The following PCSK5 variants were observed in gnomAD, a reference collection of about 807,000 sequenced individuals.
PCSK5 encodes the protein proprotein convertase subtilisin/kexin type 5, also known as prohormone convertase 5.
A neutral mutation model predicts 233.2 loss-of-function variants in PCSK5; 129 were observed. The observed-to-expected ratio is 0.55, with a 90% CI of 0.48 to 0.64. PCSK5 has a LOEUF of 0.64. Ranked by LOEUF, PCSK5 falls within the 30% of genes least tolerant of loss-of-function variation. The probability of loss-of-function intolerance (pLI) is 0.00; values close to 1 mark genes in which losing one functional copy is unlikely to be tolerated. For missense variants in PCSK5, 2,076 were observed against 2,430.1 expected, an observed-to-expected ratio of 0.85 and a Z score of 3.06; for synonymous variants, 825 against 879.2, an observed-to-expected ratio of 0.94 and a Z score of 1.09.
At chr9:76,091,953 A>C (rs1396277271) in intron 7 of PCSK5, among the ~76,000 whole-genome samples, 1 of 152,158 alleles carries the variant, frequency 6.6e-6, no homozygotes, top group East Asian at 1.9e-4. Context: ...GGGCAGCAGC[A>C]ACCTACTGTC....
Position 75,891,045 on chromosome 9 carries a change from C to T in PCSK5, c.-137C>T. On this transcript the variant is annotated 5_prime_UTR_variant, in exon 1 of 38. Transcript: ENST00000674117. ...GCTCCCTGCCGGGGCTAGCCGCCTC[C>T]TGCCGATCGCCCGGGGCTGCGAGCT... The T allele has an allele frequency of 1.6e-6, 1 of 606,906 alleles. No individual in the cohort carries two copies. The highest frequency in any genetic ancestry group is 2.5e-6 in the Non-Finnish European group (1 of 405,800). 37.6% of individuals were successfully genotyped at this position (606,906 alleles called of 1,614,324 possible).
At chr9:76,057,961 T>C (rs927125817) in intron 5 of PCSK5, among the ~76,000 whole-genome samples, 1 of 151,436 alleles carries the variant, frequency 6.6e-6, no homozygotes. Flanking sequence ...CTCAGCCTTC[T>C]GAGTAAGCGG....
intron 20 of PCSK5, among the ~76,000 whole-genome samples, 189 bp from the exon 21 acceptor site, chr9:76,227,314 C>G (rs532866157): frequency 6.6e-6 from 1 of 152,146 alleles, no homozygotes; most frequent in South Asian, 2.1e-4. Context: ...CTGGAGCCCC[C>G]GGGAGAGGAG....
intron 34 of PCSK5, among the ~76,000 whole-genome samples, chr9:76,337,980 G>A (rs1401880595): frequency 6.6e-6 from 1 of 152,126 alleles, no homozygotes; most frequent in Non-Finnish European, 1.5e-5. Flanking sequence ...ATAAGCACTA[G>A]GTCTTTTCAT....
At chr9:75,996,990 C>T (rs1298202874) in intron 3 of PCSK5, among the ~76,000 whole-genome samples, 1 of 152,128 alleles carries the variant, frequency 6.6e-6, no homozygotes, top group African/African-American at 2.4e-5. Flanking sequence ...CCTCATTGCT[C>T]ATTTACTTTT....
chr9:76,102,951 G>T (rs1831825268), intron 8 of PCSK5, among the ~76,000 whole-genome samples: 1 of 152,184 alleles, frequency 6.6e-6, no homozygotes, highest in Non-Finnish European at 1.5e-5. Flanking sequence ...TGTAACATGA[G>T]ATTCTTCTTT....
rs370032376 is a variant in PCSK5 at position 76,192,455 on chromosome 9, C to T, written c.2626+2709C>T. The stretch of plus-strand genomic sequence containing the variant: ...ATATATTTTTTACATTTTATCATCT[C>T]GGAAATCAGATGCATCTTATAATTT... On this transcript the variant is annotated intron_variant, in intron 20 of 37. Transcript: ENST00000674117. 5.3e-5 allele frequency among the ~76,000 whole-genome samples: 8 copies of T among 152,254 alleles called. No homozygotes were observed. In the East Asian group the frequency reaches 5.8e-4, roughly 11 times the overall value.
chr9:75,917,250 A>G (rs1823046344), intron 1 of PCSK5, among the ~76,000 whole-genome samples: 1 of 152,184 alleles, frequency 6.6e-6, no homozygotes, highest in African/African-American at 2.4e-5. Flanking sequence ...TAAGACAGTA[A>G]GACAAAGACA....
intron 6 of PCSK5, among the ~76,000 whole-genome samples, chr9:76,069,930 T>C (rs981021028): frequency 8.6e-5 from 13 of 152,008 alleles, no homozygotes; most frequent in African/African-American, 3.1e-4. Context: ...CAGGATGCAG[T>C]ACATCGAGAT....
intron 23 of PCSK5, among the ~76,000 whole-genome samples, chr9:76,239,673 G>C (rs1378536653): frequency 1.4e-5 from 2 of 146,638 alleles, no homozygotes; most frequent in Non-Finnish European, 3.0e-5. Context: ...TCCAGCCTGG[G>C]AGACAGAGCA....
intron 3 of PCSK5, among the ~76,000 whole-genome samples, chr9:75,996,819 T>G (rs1424719576): frequency 3.3e-5 from 5 of 151,628 alleles, no homozygotes; most frequent in African/African-American, 1.2e-4. Flanking sequence ...AACAAAGTTT[T>G]TTTTTTTTTT....
intron 27 of PCSK5, among the ~76,000 whole-genome samples, chr9:76,297,797 G>A (rs1828488481): frequency 6.6e-6 from 1 of 152,136 alleles, no homozygotes; most frequent in Admixed American, 6.6e-5. Context: ...AGTGTGCTAA[G>A]GGCTCGAGGG....
At chr9:76,259,423 C>T (rs1827091851) in intron 24 of PCSK5, among the ~76,000 whole-genome samples, 1 of 150,576 alleles carries the variant, frequency 6.6e-6, no homozygotes, top group South Asian at 2.1e-4. Context: ...ATCCTCAGCA[C>T]CCAATTCAGC....
chr9:76,201,241 A>T (rs1167095123), intron 20 of PCSK5, among the ~76,000 whole-genome samples: 1 of 152,204 alleles, frequency 6.6e-6, no homozygotes, highest in African/African-American at 2.4e-5. Context: ...AGAGAAGAAC[A>T]AAAGGAAAAA....
intron 13 of PCSK5, among the ~76,000 whole-genome samples, chr9:76,170,910 GGTTATCCCTTCCCTAGTTCT>G (rs1564077409): frequency 6.6e-6 from 1 of 152,078 alleles, no homozygotes; most frequent in East Asian, 1.9e-4. Flanking sequence ...TGTACATTTT[GGTTATCCCTTCCCTAGTTCT>G]GTAATGAGGT....
At chr9:76,345,182 A>T (rs971081067) in intron 35 of PCSK5, among the ~76,000 whole-genome samples, 8 of 150,784 alleles carry the variant, frequency 5.3e-5, no homozygotes, top group Non-Finnish European at 1.0e-4. Flanking sequence ...ATTTTATTTT[A>T]TTATTTTATT....
chr9:76,036,859 G>A (rs540638908), intron 5 of PCSK5, among the ~76,000 whole-genome samples: 1 of 152,356 alleles, frequency 6.6e-6, no homozygotes, highest in East Asian at 1.9e-4. Context: ...CGGAGCACAA[G>A]CTTCAGTAAG....
intron 24 of PCSK5, among the ~76,000 whole-genome samples, chr9:76,241,954 G>C (rs1194254432): frequency 1.3e-5 from 2 of 152,124 alleles, no homozygotes; most frequent in East Asian, 3.9e-4. Context: ...GTGGGCCTGA[G>C]GATTTGTGTT....
intron 32 of PCSK5, among the ~76,000 whole-genome samples, chr9:76,324,904 G>A (rs1304930719): frequency 4.0e-5 from 6 of 151,828 alleles, no homozygotes; most frequent in Non-Finnish European, 8.8e-5. Context: ...TAACAACCGC[G>A]AGAGCCTGAG....
Sources: allele counts gnomAD v4.1 joint callset (sites outside exome capture counted in the v4.1 genomes callset), GRCh38; gene constraint gnomAD v4.1.1; transcripts MANE v1.5; gene names NCBI Gene and HGNC (gene_info 2026-07-23, HGNC 2026-07-21).